The following FOXJ3 variants were observed in gnomAD, a reference collection of about 807,000 sequenced individuals.
The protein encoded by FOXJ3 is forkhead box J3, also known as forkhead box protein J3.
A neutral mutation model predicts 76.1 loss-of-function variants in FOXJ3; 22 were observed. The observed-to-expected ratio is 0.29, with a 90% CI of 0.21 to 0.41. The LOEUF (loss-of-function observed/expected upper bound fraction) is 0.41. FOXJ3 is among the 10% of genes least tolerant of loss of function. The pLI, the probability that FOXJ3 is intolerant of heterozygous loss-of-function variation, is 1.00. For missense variants in FOXJ3, 613 were observed against 762.1 expected (o/e 0.80, Z 2.30); for synonymous variants, 269 against 261.2 (o/e 1.03, Z -0.29).
intron 4 of FOXJ3, among the ~76,000 whole-genome samples, chr1:42,249,800 T>C (rs144271258): frequency 9.8e-4 from 149 of 152,262 alleles, no homozygotes; most frequent in African/African-American, 3.2e-3. Flanking sequence ...AGCTACATCA[T>C]TCGGGAGCTA....
intron 4 of FOXJ3, among the ~76,000 whole-genome samples, chr1:42,259,538 A>G (rs1650875280): frequency 6.6e-6 from 1 of 152,234 alleles, no homozygotes. Flanking sequence ...CTGCTCAAAC[A>G]GTATTAACGT....
At chr1:42,239,715 T>C (rs1648976155) in intron 4 of FOXJ3, among the ~76,000 whole-genome samples, 1 of 152,202 alleles carries the variant, frequency 6.6e-6, no homozygotes. Flanking sequence ...ATGCCAGACT[T>C]ATGAAGTATT....
At chr1:42,203,953 C>T (rs995531071) in intron 6 of FOXJ3, among the ~76,000 whole-genome samples, 2 of 150,216 alleles carry the variant, frequency 1.3e-5, no homozygotes, top group South Asian at 4.2e-4. Flanking sequence ...CTAAGATCAC[C>T]GCACTGCACT....
intron 1 of FOXJ3, among the ~76,000 whole-genome samples, chr1:42,330,375 C>T (rs913561241): frequency 6.6e-6 from 1 of 152,202 alleles, no homozygotes; most frequent in Non-Finnish European, 1.5e-5. Flanking sequence ...CAGTGGCTCA[C>T]GCCTGTAATC....
chr1:42,305,367 G>A (rs1353363889), intron 2 of FOXJ3, among the ~76,000 whole-genome samples: 2 of 152,062 alleles, frequency 1.3e-5, no homozygotes, highest in African/African-American at 2.4e-5. Context: ...TAAAAGTAGA[G>A]CTACCATAAG....
intron 4 of FOXJ3, among the ~76,000 whole-genome samples, chr1:42,232,417 G>A (rs1271930288): frequency 1.3e-5 from 2 of 149,400 alleles, no homozygotes; most frequent in African/African-American, 2.5e-5. Context: ...CCCACCAATA[G>A]TGTAAAAGTG....
chr1:42,264,091 C>T (rs1471834138), intron 4 of FOXJ3, among the ~76,000 whole-genome samples: 1 of 151,706 alleles, frequency 6.6e-6, no homozygotes, highest in African/African-American at 2.4e-5. Flanking sequence ...GAGGGAGCAA[C>T]AAATTCAGCT....
chr1:42,308,336 C>T (rs1450029378), intron 2 of FOXJ3, among the ~76,000 whole-genome samples: 4 of 152,102 alleles, frequency 2.6e-5, no homozygotes, highest in South Asian at 4.1e-4. Flanking sequence ...TGTGCAGGGG[C>T]CATTTCTGGT....
At chr1:42,283,330 T>G (rs1219557196) in intron 2 of FOXJ3, among the ~76,000 whole-genome samples, 1 of 152,178 alleles carries the variant, frequency 6.6e-6, no homozygotes, top group Non-Finnish European at 1.5e-5. Flanking sequence ...GTTCAGGCTA[T>G]AACAACTCAA....
At chr1:42,212,534 A>G (rs1186276740) in intron 5 of FOXJ3, among the ~76,000 whole-genome samples, 1 of 152,172 alleles carries the variant, frequency 6.6e-6, no homozygotes, top group African/African-American at 2.4e-5. Context: ...GATAAAAATA[A>G]AGAAAAAAAA....
chr1:42,251,206 G>A (rs1650016386), intron 4 of FOXJ3, among the ~76,000 whole-genome samples: 1 of 152,046 alleles, frequency 6.6e-6, no homozygotes. Context: ...GGGTTTGGGG[G>A]TGCAACACTC....
chr1:42,274,126 T>A (rs374654717), intron 3 of FOXJ3, among the ~76,000 whole-genome samples: 1 of 152,194 alleles, frequency 6.6e-6, no homozygotes, highest in Non-Finnish European at 1.5e-5. Flanking sequence ...TGTGTGTTCA[T>A]TGCCACACAG....
chr1:42,185,574 C>T (rs189719357), intron 11 of FOXJ3, among the ~76,000 whole-genome samples: 12 of 152,094 alleles, frequency 7.9e-5, no homozygotes, highest in Non-Finnish European at 1.2e-4. Flanking sequence ...AGGTTGTGAA[C>T]TCTTTTAGGT....
At position 42,216,956 on chromosome 1, in the gene FOXJ3, G is replaced by A. The variant is rs150768117; in HGVS notation, c.528+10927C>T. Among the ~76,000 whole-genome samples the A allele has an allele frequency of 1.1e-4, 16 of 152,234 alleles. 1 individual carries two copies. Among genetic ancestry groups the A allele is most frequent in the African/African-American group, 3.6e-4 (15 of 41,542 alleles). ...TGATTTCATTAAATGTTAAGTAAAT[G>A]CTCCATGAAAAGGCAAAGACTTTCA... On this transcript the variant is annotated intron_variant, in intron 5 of 12. Transcript: ENST00000361346.
At chr1:42,248,291 T>C (rs1287147101) in intron 4 of FOXJ3, among the ~76,000 whole-genome samples, 1 of 152,054 alleles carries the variant, frequency 6.6e-6, no homozygotes, top group Non-Finnish European at 1.5e-5. Flanking sequence ...TCCCAGCACT[T>C]TGGGAGGCTG....
At chr1:42,234,260 A>G (rs1209340062) in intron 4 of FOXJ3, among the ~76,000 whole-genome samples, 2 of 152,078 alleles carry the variant, frequency 1.3e-5, no homozygotes, top group Admixed American at 6.5e-5. Context: ...CAGGTCTTTT[A>G]AGGACTTCTC....
At chr1:42,291,204 A>G (rs1229381212) in intron 2 of FOXJ3, among the ~76,000 whole-genome samples, 3 of 152,194 alleles carry the variant, frequency 2.0e-5, no homozygotes, top group African/African-American at 4.8e-5. Context: ...TCTGCATGGG[A>G]GAAAAATTAA....
At chr1:42,228,057 A>G (rs1647722102) in intron 4 of FOXJ3, 91 bp from the exon 5 acceptor site, 1 of 564,654 alleles carries the variant, frequency 1.8e-6, no homozygotes, top group South Asian at 4.3e-5. Flanking sequence ...AAAAGCAAAC[A>G]TTCTGCAAAT....
intron 5 of FOXJ3, among the ~76,000 whole-genome samples, chr1:42,212,057 C>T (rs772841002): frequency 1.4e-4 from 22 of 152,234 alleles, no homozygotes; most frequent in South Asian, 2.1e-4. Flanking sequence ...AGTTCGAGAC[C>T]AGCCTGGCCA....
Sources: allele counts gnomAD v4.1 joint callset (sites outside exome capture counted in the v4.1 genomes callset), GRCh38; gene constraint gnomAD v4.1.1; transcripts MANE v1.5; gene names NCBI Gene and HGNC (gene_info 2026-07-23, HGNC 2026-07-21).